The following ERH variants were observed in gnomAD, a reference collection of about 807,000 sequenced individuals.
ERH encodes the protein ERH mRNA splicing and mitosis factor.
Under a neutral mutation model 16.8 loss-of-function variants are expected in ERH, and 1 was observed. The ratio of observed to expected loss-of-function variants is 0.06; its 90% CI spans 0.02 to 0.28. ERH has a LOEUF of 0.28. ERH is among the 10% of genes least tolerant of loss of function. The pLI is 1.00. For missense variants in ERH, 42 were observed against 127.5 expected, an observed-to-expected ratio of 0.33 and a Z score of 3.23; for synonymous variants, 43 against 43.6, an observed-to-expected ratio of 0.99 and a Z score of 0.05.
intron 2 of ERH, among the ~76,000 whole-genome samples, chr14:69,393,297 C>G (rs896445866): frequency 6.6e-6 from 1 of 152,168 alleles, no homozygotes; most frequent in African/African-American, 2.4e-5. Context: ...GCCTGGGCGA[C>G]AGAGTGAGAC....
chr14:69,380,508 ACCCCAACCCCC>A lies in ERH; in HGVS notation c.*19_*29del. ...CTGTACACACCTGTGTTCCAAGCCC[ACCCCAACCCCC>A]CCAGTGCTTCCAACACAATTATTTC... On this transcript the variant is annotated 3_prime_UTR_variant, in exon 4 of 4. Coordinates refer to ENST00000557016, the MANE Select transcript of ERH (RefSeq NM_004450.3). 1.3e-6 allele frequency: 1 copy of A among 743,146 alleles called. No homozygotes were observed. The highest frequency in any genetic ancestry group is 2.4e-6 in the Non-Finnish European group (1 of 417,284). The allele number at this position is 743,146 out of a possible 1,614,324, so 46.0% of individuals were successfully genotyped here.
At chr14:69,397,571 T>A (rs537930873) in intron 1 of ERH, among the ~76,000 whole-genome samples, 2 of 136,096 alleles carry the variant, frequency 1.5e-5, no homozygotes, top group East Asian at 1.9e-4. Flanking sequence ...TCGAGAATAG[T>A]TAGACAACCC....
At chr14:69,397,953 A>G in intron 1 of ERH, 1 of 586,748 alleles carries the variant, frequency 1.7e-6, no homozygotes, top group South Asian at 2.0e-5. Context: ...GTCTCCCTCT[A>G]CCGAGTAACA....
At chr14:69,392,028 T>C (rs1882225026) in intron 2 of ERH, among the ~76,000 whole-genome samples, 1 of 152,132 alleles carries the variant, frequency 6.6e-6, no homozygotes, top group African/African-American at 2.4e-5. Flanking sequence ...GATGCACTAA[T>C]AGGGGAAACT....
At chr14:69,381,099 T>C (rs568780637) in intron 3 of ERH, among the ~76,000 whole-genome samples, 23 of 152,286 alleles carry the variant, frequency 1.5e-4, no homozygotes, top group African/African-American at 5.5e-4. Flanking sequence ...CTGGCCAACA[T>C]GGTGAAACCT....
At position 69,385,727 on chromosome 14, in the gene ERH, C is replaced by T. The variant is rs574945119; in HGVS notation, c.212+1236G>A. Among the ~76,000 whole-genome samples, 3 of 151,784 alleles carry T rather than the reference C, an allele frequency of 2.0e-5. No individual in the cohort carries two copies. The South Asian group carries it at 6.3e-4, about 32-fold the overall frequency. ...TTCATTCCCTTCCATACACTGAAAT[C>T]TGTAAGCATTTTACTCCTGGCACTC... On this transcript the variant is annotated intron_variant, in intron 3 of 3. Transcript: ENST00000557016.
At chr14:69,396,265 A>T (rs749698992) in intron 1 of ERH, among the ~76,000 whole-genome samples, 2 of 152,266 alleles carry the variant, frequency 1.3e-5, no homozygotes, top group Admixed American at 6.5e-5. Context: ...TTTTGGAATA[A>T]CATAATTTTT....
chr14:69,382,869 A>ATGAGACAAT (rs1463085300), intron 3 of ERH, among the ~76,000 whole-genome samples: 1 of 152,136 alleles, frequency 6.6e-6, no homozygotes, highest in Admixed American at 6.5e-5. Context: ...GCACTTGAAA[A>ATGAGACAAT]TGAGACAATT....
chr14:69,381,550 A>G (rs1269884499), intron 3 of ERH, among the ~76,000 whole-genome samples: 2 of 151,970 alleles, frequency 1.3e-5, no homozygotes, highest in Non-Finnish European at 2.9e-5. Flanking sequence ...TAGCAGTAAA[A>G]CTCCAATGGG....
intron 2 of ERH, 79 bp from the exon 3 acceptor site, chr14:69,387,162 T>A: frequency 8.9e-7 from 1 of 1,118,358 alleles, no homozygotes; most frequent in Non-Finnish European, 1.3e-6. Flanking sequence ...TGAGCTGTGC[T>A]ATATGTTGAT....
At chr14:69,390,982 C>T (rs2045921081) in intron 2 of ERH, among the ~76,000 whole-genome samples, 1 of 152,182 alleles carries the variant, frequency 6.6e-6, no homozygotes, top group Non-Finnish European at 1.5e-5. Flanking sequence ...AGTGACAACA[C>T]CAAATGCTGG....
chr14:69,395,474 C>T (rs76234036), intron 1 of ERH, among the ~76,000 whole-genome samples: 1 of 152,176 alleles, frequency 6.6e-6, no homozygotes, highest in African/African-American at 2.4e-5. Context: ...TTTTCCTTTT[C>T]TATCTTTTCT....
At chr14:69,389,793 ACAC>A (rs1444501962) in intron 2 of ERH, among the ~76,000 whole-genome samples, 1 of 152,078 alleles carries the variant, frequency 6.6e-6, no homozygotes, top group East Asian at 1.9e-4. Context: ...TTCCCTTGAG[ACAC>A]AGTCTCATTC....
Position 69,382,263 on chromosome 14 carries a change from T to C in ERH, c.213-1623A>G, listed in dbSNP as rs60876803. On this transcript the variant is annotated intron_variant, in intron 3 of 3. Transcript: ENST00000557016. ...CAAGATTCCCATTTTTAAAAATGCTTAACCAAATTTAAAAATTCTAAAATT... is the reference window on the plus strand; with the variant it reads ...CAAGATTCCCATTTTTAAAAATGCTCAACCAAATTTAAAAATTCTAAAATT... 5.5e-3 allele frequency among the ~76,000 whole-genome samples: 840 copies of C among 152,360 alleles called. 6 individuals are homozygous for C. Among genetic ancestry groups the C allele is most frequent in the African/African-American group, 0.019 (797 of 41,590 alleles).
rs116379941 is a variant in ERH, at chr14:69,385,134, G to A, written c.212+1829C>T. Among the ~76,000 whole-genome samples, 476 of 152,188 alleles carry A rather than the reference G, an allele frequency of 3.1e-3. 4 individuals are homozygous for A. The highest frequency in any genetic ancestry group is 0.011 in the African/African-American group (462 of 41,518). On this transcript the variant is annotated intron_variant, in intron 3 of 3. Coordinates refer to ENST00000557016, the MANE Select transcript of ERH (RefSeq NM_004450.3). Reference sequence around the variant, plus strand: ...TCATGGTCATTCAGTCGTTGCTGTTGTCCTCATATATGCCCTCAACCTTTA... The same window carrying A: ...TCATGGTCATTCAGTCGTTGCTGTTATCCTCATATATGCCCTCAACCTTTA...
At chr14:69,380,718 C>A in intron 3 of ERH, 78 bp from the exon 4 acceptor site, 2 of 781,950 alleles carry the variant, frequency 2.6e-6, no homozygotes, top group Non-Finnish European at 2.3e-6. Context: ...TTATAACTGC[C>A]CAATGATGGC....
Position 69,380,522 on chromosome 14 carries a change from A to T in ERH, c.*16T>A. On this transcript the variant is annotated 3_prime_UTR_variant, in exon 4 of 4. Transcript: ENST00000557016. The stretch of plus-strand genomic sequence containing the variant: ...GTTCCAAGCCCACCCCAACCCCCCC[A>T]GTGCTTCCAACACAATTATTTCCCA... The T allele has an allele frequency of 2.8e-6, 2 of 720,810 alleles. No homozygotes were observed. Among genetic ancestry groups the T allele is most frequent in the Non-Finnish European group, 4.7e-6 (2 of 424,978 alleles). The allele number at this position is 720,810 out of a possible 1,614,324, so 44.7% of individuals were successfully genotyped here.
chr14:69,381,958 T>C (rs12891351), intron 3 of ERH, among the ~76,000 whole-genome samples: 86,954 of 152,156 alleles, frequency 0.57, 25,803 homozygotes, highest in African/African-American at 0.73. Context: ...CCCAAAGTGC[T>C]GGGATTACAG....
chr14:69,383,624 CAAAT>C (rs981694031), intron 3 of ERH, among the ~76,000 whole-genome samples: 21 of 152,222 alleles, frequency 1.4e-4, no homozygotes, highest in African/African-American at 3.6e-4. Flanking sequence ...TAGAAACAAA[CAAAT>C]AGTTACAGGT....
Sources: allele counts gnomAD v4.1 joint callset (sites outside exome capture counted in the v4.1 genomes callset), GRCh38; gene constraint gnomAD v4.1.1; transcripts MANE v1.5; gene names NCBI Gene and HGNC (gene_info 2026-07-23, HGNC 2026-07-21).